PDSS2: variants seen among roughly 807,000 people sequenced by gnomAD.
PDSS2 encodes decaprenyl diphosphate synthase subunit 2.
A neutral mutation model predicts 44.5 loss-of-function variants in PDSS2; 31 were observed. The observed-to-expected ratio is 0.70, with a 90% CI of 0.52 to 0.94. The LOEUF is 0.94. PDSS2 is among the 40% of genes least tolerant of loss of function. The probability of loss-of-function intolerance (pLI) is 0.00; values close to 1 mark genes in which losing one functional copy is unlikely to be tolerated. For missense variants in PDSS2, 452 were observed against 482.2 expected, an observed-to-expected ratio of 0.94 and a Z score of 0.59; for synonymous variants, 157 against 180.3, an observed-to-expected ratio of 0.87 and a Z score of 1.03.
chr6:107,273,412 T>C (rs1430882347), intron 3 of PDSS2, among the ~76,000 whole-genome samples: 2 of 152,068 alleles, frequency 1.3e-5, no homozygotes, highest in East Asian at 3.9e-4. Context: ...TAGGGAAAAT[T>C]GATATGCAAA....
At chr6:107,318,012 T>G (rs757944150) in intron 2 of PDSS2, among the ~76,000 whole-genome samples, 9 of 152,224 alleles carry the variant, frequency 5.9e-5, no homozygotes, top group Non-Finnish European at 8.8e-5. Flanking sequence ...TACTCATTAA[T>G]AAGATGCGAC....
rs2114942499 is a variant in PDSS2, at chr6:107,273,960, G to A, written c.630+69C>T. 4.9e-6 allele frequency: 6 copies of A among 1,223,406 alleles called. No individual in the cohort carries two copies. In the Middle Eastern group the frequency reaches 5.6e-4, roughly 115 times the overall value. The allele number at this position is 1,223,406 out of a possible 1,614,324, so 75.8% of individuals were successfully genotyped here. A position where few individuals can be genotyped will look rare whatever the true frequency, so the allele number is the denominator to read the frequency against. ...TTGGGGCAGCCGGGCACACAGACCT[G>A]CAGCTCCAGCAGCCAACTAATTGCT... On this transcript the variant is annotated intron_variant, in intron 3 of 7. Transcript: ENST00000369037.
At chr6:107,383,910 T>C (rs1583018529) in intron 1 of PDSS2, among the ~76,000 whole-genome samples, 1 of 152,348 alleles carries the variant, frequency 6.6e-6, no homozygotes, top group Admixed American at 6.5e-5. Flanking sequence ...GCAATTCTAC[T>C]CTACATATAC....
At chr6:107,338,731 G>A (rs1022819426) in intron 1 of PDSS2, among the ~76,000 whole-genome samples, 3 of 152,148 alleles carry the variant, frequency 2.0e-5, no homozygotes, top group South Asian at 2.1e-4. Context: ...GTGGAGGTCC[G>A]AAGGAAAGAG....
At chr6:107,166,660 G>A (rs533763385) in intron 7 of PDSS2, among the ~76,000 whole-genome samples, 9 of 152,214 alleles carry the variant, frequency 5.9e-5, no homozygotes, top group South Asian at 2.1e-4. Flanking sequence ...CACCATGCCC[G>A]GCCTTTATTG....
At chr6:107,397,750 G>T (rs999388489) in intron 1 of PDSS2, among the ~76,000 whole-genome samples, 2 of 152,172 alleles carry the variant, frequency 1.3e-5, no homozygotes, top group Non-Finnish European at 2.9e-5. Context: ...AATAAAATTT[G>T]AGCTTTCAGG....
intron 1 of PDSS2, among the ~76,000 whole-genome samples, chr6:107,445,526 AT>A (rs1298545386): frequency 2.6e-5 from 4 of 152,228 alleles, no homozygotes; most frequent in African/African-American, 9.7e-5. Context: ...ATGCATAAAT[AT>A]TCATATTAAA....
intron 1 of PDSS2, among the ~76,000 whole-genome samples, chr6:107,428,449 CA>C (rs1781070793): frequency 6.6e-6 from 1 of 152,146 alleles, no homozygotes; most frequent in East Asian, 1.9e-4. Context: ...TCTGGTTAGG[CA>C]AAATTTTATT....
At chr6:107,308,832 C>T (rs948922092) in intron 2 of PDSS2, among the ~76,000 whole-genome samples, 6 of 152,188 alleles carry the variant, frequency 3.9e-5, no homozygotes, top group East Asian at 1.9e-4. Context: ...CCCTGCCAGA[C>T]GATGAACAGA....
chr6:107,353,140 C>T lies in PDSS2; in HGVS notation c.297-18808G>A, dbSNP rs1778482791. Among the ~76,000 whole-genome samples the T allele has an allele frequency of 2.6e-5, 4 of 151,994 alleles. No individual in the cohort carries two copies. The South Asian group carries it at 8.3e-4, about 32-fold the overall frequency. ...TATGTCATCTGCCCCACTGTAAATACATCAAGAATAACTTTTAAGACACTG... is the reference window on the plus strand; with the variant it reads ...TATGTCATCTGCCCCACTGTAAATATATCAAGAATAACTTTTAAGACACTG... On this transcript the variant is annotated intron_variant, in intron 1 of 7. Transcript: ENST00000369037.
intron 1 of PDSS2, among the ~76,000 whole-genome samples, chr6:107,388,550 G>A (rs993003386): frequency 4.6e-5 from 7 of 150,752 alleles, no homozygotes; most frequent in African/African-American, 7.3e-5. Flanking sequence ...CCGGGTTCAC[G>A]CCATTCTCCT....
At chr6:107,328,196 G>A (rs1339769246) in intron 2 of PDSS2, among the ~76,000 whole-genome samples, 2 of 152,186 alleles carry the variant, frequency 1.3e-5, no homozygotes, top group Non-Finnish European at 2.9e-5. Context: ...TATGTATGAG[G>A]CACTGTTCTA....
At chr6:107,161,401 C>A (rs62428005) in intron 7 of PDSS2, among the ~76,000 whole-genome samples, 40,678 of 151,220 alleles carry the variant, frequency 0.27, 6,839 homozygotes, top group Non-Finnish European at 0.37. Context: ...AATGGCGTGA[C>A]CCCGGGAGGT....
intron 7 of PDSS2, among the ~76,000 whole-genome samples, chr6:107,163,167 T>C (rs2114304425): frequency 6.6e-6 from 1 of 152,342 alleles, no homozygotes; most frequent in Non-Finnish European, 1.5e-5. Context: ...ATGAGCTTTA[T>C]TCAGCCAGGC....
At chr6:107,452,418 G>A (rs1261607781) in intron 1 of PDSS2, among the ~76,000 whole-genome samples, 1 of 151,826 alleles carries the variant, frequency 6.6e-6, no homozygotes, top group Non-Finnish European at 1.5e-5. Context: ...TTTTAGTAGA[G>A]ACAGGGTTTC....
chr6:107,226,197 T>C (rs2114708298), intron 4 of PDSS2, among the ~76,000 whole-genome samples: 1 of 152,188 alleles, frequency 6.6e-6, no homozygotes, highest in East Asian at 1.9e-4. Context: ...TAGTCCCAGC[T>C]ACTCGGGAGG....
intron 7 of PDSS2, among the ~76,000 whole-genome samples, chr6:107,180,878 G>A (rs7774501): frequency 0.022 from 3,403 of 152,174 alleles, 126 homozygotes; most frequent in African/African-American, 0.076. Context: ...TGGAGATGAT[G>A]TCTCACTCTG....
chr6:107,191,391 G>A (rs980524243), intron 7 of PDSS2, among the ~76,000 whole-genome samples: 1 of 152,178 alleles, frequency 6.6e-6, no homozygotes, highest in Non-Finnish European at 1.5e-5. Flanking sequence ...TCAAGAAAAT[G>A]TAGGCTATAA....
Position 107,264,475 on chromosome 6 carries a change from A to C in PDSS2, c.630+9554T>G, listed in dbSNP as rs1488250293. Reference sequence around the variant, plus strand: ...GATCCAGGCTGACTCACAGTCTCCCATCTGATATATAGCAATAGGTCCATT... The same window carrying C: ...GATCCAGGCTGACTCACAGTCTCCCCTCTGATATATAGCAATAGGTCCATT... On this transcript the variant is annotated intron_variant, in intron 3 of 7. Coordinates refer to ENST00000369037, the MANE Select transcript of PDSS2 (RefSeq NM_020381.4). 5.2e-6 allele frequency: 8 copies of C among 1,548,676 alleles called. No homozygotes were observed. The East Asian group carries it at 9.8e-5, about 19-fold the overall frequency.
Sources: gnomAD v4.1 joint callset for allele counts (sites outside exome capture counted in the v4.1 genomes callset) on GRCh38, gnomAD v4.1.1 for gene constraint, MANE v1.5 for transcripts, NCBI Gene and HGNC (gene_info 2026-07-23, HGNC 2026-07-21) for gene names.